Variants in NELL1 observed in about 807,000 individuals in gnomAD.
NELL1 encodes protein kinase C-binding protein NELL1.
In NELL1, 76 loss-of-function variants were observed where a neutral mutation model predicts 107.4. The ratio of observed to expected loss-of-function variants is 0.71; its 90% confidence interval spans 0.59 to 0.86. NELL1 has a LOEUF of 0.86. Ranked by LOEUF, NELL1 falls within the 40% of genes least tolerant of loss-of-function variation. The pLI is 0.00. For synonymous variants in NELL1, 353 were observed against 341.2 expected (o/e 1.03, Z -0.38); for missense variants, 1,024 against 1,005.5 (o/e 1.02, Z -0.25).
intron 16 of NELL1, among the ~76,000 whole-genome samples, chr11:21,535,446 G>T (rs1856111341): frequency 6.6e-6 from 1 of 152,082 alleles, no homozygotes; most frequent in Admixed American, 6.6e-5. Flanking sequence ...TTTTCTAAAG[G>T]CTGCTGCTGA....
At chr11:21,066,969 GTAAATAAA>G (rs10542680) in intron 12 of NELL1, among the ~76,000 whole-genome samples, 12 of 148,528 alleles carry the variant, frequency 8.1e-5, no homozygotes, top group South Asian at 4.3e-4. Context: ...AATTTAAAAA[GTAAATAAA>G]TAAATAAATA....
chr11:21,149,476 C>G (rs890493104), intron 13 of NELL1, among the ~76,000 whole-genome samples: 4 of 152,152 alleles, frequency 2.6e-5, no homozygotes, highest in African/African-American at 7.2e-5. Context: ...AGGGAAACTC[C>G]CATTTATGAA....
intron 3 of NELL1, among the ~76,000 whole-genome samples, chr11:20,793,556 A>G (rs371216225): frequency 2.6e-5 from 4 of 151,946 alleles, no homozygotes; most frequent in Non-Finnish European, 5.9e-5. Context: ...AGCTTCTTCC[A>G]TGTTTAGTTC....
chr11:20,954,842 G>A (rs1851138883), intron 11 of NELL1, among the ~76,000 whole-genome samples: 1 of 152,194 alleles, frequency 6.6e-6, no homozygotes, highest in Admixed American at 6.5e-5. Flanking sequence ...ATTTGACATG[G>A]TACATGCTTA....
intron 14 of NELL1, among the ~76,000 whole-genome samples, chr11:21,245,490 C>T (rs2133903306): frequency 6.6e-6 from 1 of 152,224 alleles, no homozygotes; most frequent in East Asian, 1.9e-4. Context: ...TTGGCTTTTC[C>T]TTGTCGTTCA....
At chr11:20,801,340 T>C (rs1857277482) in intron 3 of NELL1, among the ~76,000 whole-genome samples, 1 of 152,218 alleles carries the variant, frequency 6.6e-6, no homozygotes, top group Non-Finnish European at 1.5e-5. Context: ...GTTATACAGA[T>C]ACAAAATGGC....
At chr11:21,298,472 G>T (rs1419184153) in intron 14 of NELL1, among the ~76,000 whole-genome samples, 1 of 151,914 alleles carries the variant, frequency 6.6e-6, no homozygotes. Context: ...CTCTGACACC[G>T]TTTTGATCTC....
chr11:21,525,724 T>C (rs1855836526), intron 15 of NELL1, among the ~76,000 whole-genome samples: 1 of 152,158 alleles, frequency 6.6e-6, no homozygotes, highest in Non-Finnish European at 1.5e-5. Flanking sequence ...AGAAGAAAAG[T>C]CAAGTCTCAC....
At chr11:21,501,303 A>T (rs1855134639) in intron 15 of NELL1, among the ~76,000 whole-genome samples, 4 of 152,304 alleles carry the variant, frequency 2.6e-5, no homozygotes, top group African/African-American at 9.6e-5. Flanking sequence ...GTTCTTATTC[A>T]ATCTGAAAAG....
At chr11:21,324,982 T>G (rs1398325765) in intron 14 of NELL1, among the ~76,000 whole-genome samples, 1 of 152,114 alleles carries the variant, frequency 6.6e-6, no homozygotes, top group Non-Finnish European at 1.5e-5. Context: ...TCCCCCCATC[T>G]TTGTTTTATA....
chr11:21,416,804 T>A (rs1024332351), intron 15 of NELL1, among the ~76,000 whole-genome samples: 1 of 152,080 alleles, frequency 6.6e-6, no homozygotes, highest in African/African-American at 2.4e-5. Context: ...TCATTTGCAG[T>A]GACACATATG....
In NELL1 at chr11:20,974,665, G is replaced by A. The variant is rs533943738; in HGVS notation, c.1300+14105G>A. ...AACTTCTCATAAGCTATGATGAATA[G>A]CATTTCTCAGGATTGTCAAAAATCT... On this transcript the variant is annotated intron_variant, in intron 12 of 19. Coordinates refer to ENST00000357134, the MANE Select transcript of NELL1 (RefSeq NM_006157.5). Among the ~76,000 whole-genome samples, 11 of 152,200 alleles carry A rather than the reference G, an allele frequency of 7.2e-5. No individual in the cohort carries two copies. The South Asian group carries it at 1.0e-3, about 14-fold the overall frequency.
intron 5 of NELL1, among the ~76,000 whole-genome samples, chr11:20,906,397 C>T (rs536268663): frequency 6.6e-6 from 1 of 152,242 alleles, no homozygotes; most frequent in Non-Finnish European, 1.5e-5. Flanking sequence ...GATGGCTTCA[C>T]TGGTGAATTG....
chr11:21,514,273 T>G (rs1855505720), intron 15 of NELL1, among the ~76,000 whole-genome samples: 1 of 152,260 alleles, frequency 6.6e-6, no homozygotes. Context: ...TGCCTTATAA[T>G]TTTTAATTCC....
At chr11:21,134,801 T>C (rs1014805574) in intron 13 of NELL1, among the ~76,000 whole-genome samples, 5 of 152,164 alleles carry the variant, frequency 3.3e-5, no homozygotes, top group Non-Finnish European at 7.3e-5. Flanking sequence ...GTCCAAATGA[T>C]TGAGTATTGG....
chr11:21,374,897 GT>G (rs1851437221), intron 15 of NELL1, among the ~76,000 whole-genome samples: 1 of 141,712 alleles, frequency 7.1e-6, no homozygotes, highest in Non-Finnish European at 1.5e-5. Context: ...CTGTGTGTGT[GT>G]GTGTGTGTGT....
chr11:21,466,750 A>G (rs1854042293), intron 15 of NELL1, among the ~76,000 whole-genome samples: 1 of 152,118 alleles, frequency 6.6e-6, no homozygotes, highest in East Asian at 1.9e-4. Flanking sequence ...AGAACCTCCC[A>G]CTAGGAGAAG....
chr11:20,680,843 C>G (rs79893742), intron 2 of NELL1, among the ~76,000 whole-genome samples: 5,368 of 152,216 alleles, frequency 0.035, 330 homozygotes, highest in African/African-American at 0.12. Context: ...ATTGTGTCCT[C>G]TCTCAGTCTT....
chr11:21,044,835 C>T (rs1853317842), intron 12 of NELL1, among the ~76,000 whole-genome samples: 1 of 152,012 alleles, frequency 6.6e-6, no homozygotes, highest in African/African-American at 2.4e-5. Flanking sequence ...TATACATCTG[C>T]GGCCTCTGAA....
Sources: gnomAD v4.1 joint callset for allele counts (sites outside exome capture counted in the v4.1 genomes callset) on GRCh38, gnomAD v4.1.1 for gene constraint, MANE v1.5 for transcripts, NCBI Gene and HGNC (gene_info 2026-07-23, HGNC 2026-07-21) for gene names.